MIPEP: variants seen among roughly 807,000 people sequenced by gnomAD.
The protein encoded by MIPEP is mitochondrial intermediate peptidase.
Under a neutral mutation model 90.3 loss-of-function variants are expected in MIPEP, and 79 were observed. That is an observed-to-expected ratio of 0.87 (90% CI 0.73 to 1.05). MIPEP has a LOEUF of 1.05. MIPEP is among the 50% of genes least tolerant of loss of function. The pLI is 0.00. For synonymous variants in MIPEP, 334 were observed against 315.8 expected, an observed-to-expected ratio of 1.06 and a Z score of -0.61; for missense variants, 940 against 905.6, an observed-to-expected ratio of 1.04 and a Z score of -0.49.
At chr13:23,826,503 A>C (rs1430511506) in intron 14 of MIPEP, among the ~76,000 whole-genome samples, 1 of 152,192 alleles carries the variant, frequency 6.6e-6, no homozygotes, top group Non-Finnish European at 1.5e-5. Flanking sequence ...ACAAAAAGAT[A>C]AATAACTCCC....
intron 14 of MIPEP, among the ~76,000 whole-genome samples, chr13:23,832,663 C>T (rs1868826026): frequency 6.6e-6 from 1 of 152,096 alleles, no homozygotes. Flanking sequence ...CCTCTGGGTC[C>T]TTAGGCACCA....
chr13:23,788,707 T>C (rs1025890513), intron 16 of MIPEP, among the ~76,000 whole-genome samples: 31 of 152,252 alleles, frequency 2.0e-4, no homozygotes, highest in African/African-American at 6.8e-4. Context: ...ATTCCTTGAA[T>C]GCTGGATTCT....
intron 14 of MIPEP, among the ~76,000 whole-genome samples, chr13:23,833,983 C>T (rs1343091434): frequency 2.0e-5 from 3 of 152,112 alleles, no homozygotes; most frequent in East Asian, 1.9e-4. Flanking sequence ...CCTGACCCTG[C>T]GGAACCCTCG....
intron 1 of MIPEP, chr13:23,888,197 A>G (rs1157700831): frequency 2.6e-6 from 1 of 389,398 alleles, no homozygotes; most frequent in African/African-American, 2.2e-5. Context: ...GCCTACAAGT[A>G]GGTCTCTTCA....
chr13:23,821,636 G>A (rs1953306184), intron 14 of MIPEP, among the ~76,000 whole-genome samples: 1 of 152,152 alleles, frequency 6.6e-6, no homozygotes, highest in South Asian at 2.1e-4. Context: ...GAAAAGGAAT[G>A]TACAACCTGC....
At chr13:23,869,040 C>T (rs1282945986) in intron 7 of MIPEP, among the ~76,000 whole-genome samples, 1 of 152,192 alleles carries the variant, frequency 6.6e-6, no homozygotes, top group Non-Finnish European at 1.5e-5. Flanking sequence ...TTTAGACTAA[C>T]ATCAAAATGA....
intron 16 of MIPEP, among the ~76,000 whole-genome samples, chr13:23,790,246 A>G (rs1355722850): frequency 6.6e-6 from 1 of 152,148 alleles, no homozygotes; most frequent in Non-Finnish European, 1.5e-5. Flanking sequence ...TGCAGTCACT[A>G]GCAGAAGCGT....
At chr13:23,874,009 C>T (rs1019109661) in intron 5 of MIPEP, among the ~76,000 whole-genome samples, 1 of 152,188 alleles carries the variant, frequency 6.6e-6, no homozygotes, top group Non-Finnish European at 1.5e-5. Flanking sequence ...GTATGTGATA[C>T]ATATTTCCAA....
chr13:23,879,434 G>C (rs1871196992), intron 3 of MIPEP, 80 bp from the exon 4 acceptor site: 1 of 754,860 alleles, frequency 1.3e-6, no homozygotes. Flanking sequence ...AATGGTGTCA[G>C]CTTGTACCAC....
At chr13:23,733,699 C>T (rs540106644) in intron 18 of MIPEP, among the ~76,000 whole-genome samples, 2 of 152,206 alleles carry the variant, frequency 1.3e-5, no homozygotes, top group Non-Finnish European at 2.9e-5. Flanking sequence ...AAGCCCTTAA[C>T]TAGACCAGGG....
At chr13:23,861,842 CTTAAGTGTTTT>C (rs1417450864) in intron 9 of MIPEP, among the ~76,000 whole-genome samples, 5 of 152,094 alleles carry the variant, frequency 3.3e-5, no homozygotes, top group African/African-American at 1.2e-4. Context: ...GAAAACAACA[CTTAAGTGTTTT>C]TAGAATGTGG....
At chr13:23,888,955 C>A in intron 1 of MIPEP, 177 bp downstream of exon 1, 1 of 606,044 alleles carries the variant, frequency 1.7e-6, no homozygotes, top group South Asian at 6.2e-5. Context: ...CCCGGCCCCT[C>A]AAAGCAGAGG....
intron 16 of MIPEP, among the ~76,000 whole-genome samples, chr13:23,792,107 TCC>T (rs1423156782): frequency 6.6e-6 from 1 of 151,746 alleles, no homozygotes; most frequent in Non-Finnish European, 1.5e-5. Flanking sequence ...CTCCTCACTG[TCC>T]CCGCCTCTAA....
chr13:23,851,705 T>TA lies in MIPEP; in HGVS notation c.1106+7154_1106+7155insT, dbSNP rs1485838332. 5.3e-5 allele frequency among the ~76,000 whole-genome samples: 8 copies of TA among 151,702 alleles called. No individual in the cohort carries two copies. The East Asian group carries it at 1.4e-3, about 26-fold the overall frequency. Reference sequence around the variant, plus strand: ...CATGTCTTTTTTTTAATTTTCTTTTTTTTTTAAGAGATGGAGTCTCACTCT... The same window carrying TA: ...CATGTCTTTTTTTTAATTTTCTTTTTATTTTTAAGAGATGGAGTCTCACTCT... On this transcript the variant is annotated intron_variant, in intron 10 of 18. Coordinates refer to ENST00000382172, the MANE Select transcript of MIPEP (RefSeq NM_005932.4).
At chr13:23,776,781 T>C (rs1952722098) in intron 16 of MIPEP, among the ~76,000 whole-genome samples, 1 of 151,430 alleles carries the variant, frequency 6.6e-6, no homozygotes, top group Non-Finnish European at 1.5e-5. Flanking sequence ...TATCTACTAA[T>C]GGTTTGTAAA....
At chr13:23,809,945 T>A (rs746050995) in intron 14 of MIPEP, 21 bp from the exon 15 acceptor site, 61 of 1,523,774 alleles carry the variant, frequency 4.0e-5, no homozygotes, top group Non-Finnish European at 5.5e-5. Flanking sequence ...CAAAAGAATA[T>A]ATATGTGAGT....
chr13:23,878,221 A>G (rs1871146317), intron 4 of MIPEP, among the ~76,000 whole-genome samples: 1 of 152,248 alleles, frequency 6.6e-6, no homozygotes, highest in East Asian at 1.9e-4. Context: ...TGCTAATGAA[A>G]GCAATATAAC....
intron 7 of MIPEP, among the ~76,000 whole-genome samples, 156 bp downstream of exon 7, chr13:23,869,136 T>C (rs1870666450): frequency 1.3e-5 from 2 of 152,252 alleles, no homozygotes; most frequent in Admixed American, 1.3e-4. Flanking sequence ...ATTAGCTCTA[T>C]TTAAAAATGG....
chr13:23,760,755 T>A (rs1489171148), intron 16 of MIPEP, among the ~76,000 whole-genome samples: 1 of 152,224 alleles, frequency 6.6e-6, no homozygotes, highest in African/African-American at 2.4e-5. Flanking sequence ...ACAAAGAAAA[T>A]TTTGTATCAC....
Sources: allele counts gnomAD v4.1 joint callset (sites outside exome capture counted in the v4.1 genomes callset), GRCh38; gene constraint gnomAD v4.1.1; transcripts MANE v1.5; gene names NCBI Gene and HGNC (gene_info 2026-07-23, HGNC 2026-07-21).